The following CACNA2D3 variants were observed in gnomAD, a reference collection of about 807,000 sequenced individuals.
The protein encoded by CACNA2D3 is voltage-dependent calcium channel subunit alpha-2/delta-3.
CACNA2D3 carries 60 observed loss-of-function variants against 160.6 expected under a neutral mutation model. The observed-to-expected ratio is 0.37, with a 90% CI of 0.30 to 0.46. The LOEUF is 0.46. Ranked by LOEUF, CACNA2D3 falls within the 20% of genes least tolerant of loss-of-function variation. CACNA2D3 has a pLI of 1.00. For missense variants in CACNA2D3, 1,205 were observed against 1,365.0 expected (o/e 0.88, Z 1.85); for synonymous variants, 558 against 492.9 (o/e 1.13, Z -1.75).
intron 11 of CACNA2D3, among the ~76,000 whole-genome samples, chr3:54,723,601 G>C (rs559198962): frequency 7.9e-5 from 12 of 152,312 alleles, no homozygotes; most frequent in Admixed American, 6.5e-4. Context: ...GAGTTCCTCA[G>C]GCTCAGTCCC....
chr3:54,875,016 A>C (rs1379771431), intron 18 of CACNA2D3: 2 of 152,008 alleles, frequency 1.3e-5, no homozygotes, highest in Non-Finnish European at 2.9e-5. Flanking sequence ...TTTTTCCCCT[A>C]CTACCCTCTA....
intron 17 of CACNA2D3, among the ~76,000 whole-genome samples, chr3:54,853,658 A>G (rs1699107550): frequency 6.6e-6 from 1 of 152,192 alleles, no homozygotes; most frequent in Non-Finnish European, 1.5e-5. Flanking sequence ...CCTGGTGGTA[A>G]GAGGGACCAA....
intron 13 of CACNA2D3, 36 bp from the exon 14 acceptor site, chr3:54,816,817 T>G: frequency 6.2e-7 from 1 of 1,609,966 alleles, no homozygotes; most frequent in Non-Finnish European, 8.5e-7. Context: ...TGATCAACTT[T>G]TTTCTTTTTT....
At chr3:55,003,652 G>A (rs1016794640) in intron 31 of CACNA2D3, among the ~76,000 whole-genome samples, 2 of 152,284 alleles carry the variant, frequency 1.3e-5, no homozygotes, top group African/African-American at 4.8e-5. Context: ...AAACGAGTGG[G>A]CCTAAATGGT....
chr3:54,842,367 G>A (rs962766838), intron 16 of CACNA2D3, among the ~76,000 whole-genome samples: 1 of 152,110 alleles, frequency 6.6e-6, no homozygotes, highest in Non-Finnish European at 1.5e-5. Context: ...ATTTACTTTA[G>A]TTGGAATTTT....
chr3:54,205,255 A>T (rs919635113), intron 2 of CACNA2D3, among the ~76,000 whole-genome samples: 5 of 151,864 alleles, frequency 3.3e-5, no homozygotes, highest in Non-Finnish European at 7.4e-5. Context: ...GGGGGATGGG[A>T]TTTTTTTTGT....
intron 29 of CACNA2D3, among the ~76,000 whole-genome samples, chr3:54,974,652 G>A (rs1306296154): frequency 6.6e-6 from 1 of 152,216 alleles, no homozygotes; most frequent in Non-Finnish European, 1.5e-5. Flanking sequence ...CCGAATAGTT[G>A]CAGGAAGATG....
At chr3:55,066,317 A>G (rs1704635426) in intron 35 of CACNA2D3, among the ~76,000 whole-genome samples, 1 of 152,196 alleles carries the variant, frequency 6.6e-6, no homozygotes, top group Non-Finnish European at 1.5e-5. Context: ...GAATCTATAT[A>G]AAGGGTAAAA....
At chr3:54,265,654 AT>A (rs1702494405) in intron 2 of CACNA2D3, among the ~76,000 whole-genome samples, 1 of 70,226 alleles carries the variant, frequency 1.4e-5, no homozygotes. Context: ...GTGTATATAT[AT>A]AGTGTATATA....
At chr3:55,004,375 C>G (rs1461431568) in intron 31 of CACNA2D3, among the ~76,000 whole-genome samples, 4 of 152,198 alleles carry the variant, frequency 2.6e-5, no homozygotes, top group Admixed American at 6.5e-5. Flanking sequence ...CTTAGTTCTC[C>G]TGTCCCTTGG....
chr3:54,215,810 G>A (rs1489086696), intron 2 of CACNA2D3, among the ~76,000 whole-genome samples: 4 of 152,084 alleles, frequency 2.6e-5, no homozygotes, highest in Non-Finnish European at 4.4e-5. Flanking sequence ...ATGCAGGGAG[G>A]CATTCATGCC....
At chr3:54,647,954 A>T (rs1175860827) in intron 11 of CACNA2D3, among the ~76,000 whole-genome samples, 1 of 152,134 alleles carries the variant, frequency 6.6e-6, no homozygotes, top group East Asian at 1.9e-4. Flanking sequence ...TAAAATATGA[A>T]CTCCAATATG....
At chr3:54,251,476 T>G (rs144635080) in intron 2 of CACNA2D3, among the ~76,000 whole-genome samples, 4 of 152,358 alleles carry the variant, frequency 2.6e-5, no homozygotes, top group Admixed American at 1.3e-4. Context: ...AAACCTAGGA[T>G]TCCTTTTGGA....
intron 10 of CACNA2D3, among the ~76,000 whole-genome samples, chr3:54,633,322 T>C (rs9840098): frequency 0.11 from 16,832 of 152,152 alleles, 3,040 homozygotes; most frequent in African/African-American, 0.38. Flanking sequence ...ATAGTAGCTG[T>C]GTGACCTGGG....
intron 35 of CACNA2D3, among the ~76,000 whole-genome samples, chr3:55,019,757 A>G (rs1024226121): frequency 6.6e-6 from 1 of 152,150 alleles, no homozygotes; most frequent in Non-Finnish European, 1.5e-5. Context: ...GTTTTGTTGC[A>G]CTATACTTCT....
intron 4 of CACNA2D3, among the ~76,000 whole-genome samples, chr3:54,490,796 C>T (rs965411710): frequency 2.0e-5 from 3 of 152,108 alleles, no homozygotes; most frequent in African/African-American, 7.2e-5. Flanking sequence ...GAGAAGAGTT[C>T]AGAGGAAGCG....
chr3:55,017,377 T>C (rs1703347605), intron 34 of CACNA2D3, among the ~76,000 whole-genome samples: 1 of 152,244 alleles, frequency 6.6e-6, no homozygotes, highest in Non-Finnish European at 1.5e-5. Flanking sequence ...ATTATTGTCA[T>C]CATTATAATG....
intron 2 of CACNA2D3, among the ~76,000 whole-genome samples, chr3:54,142,162 G>T (rs1395257488): frequency 6.6e-6 from 1 of 152,142 alleles, no homozygotes; most frequent in East Asian, 1.9e-4. Context: ...CCTTTGTGCT[G>T]CTGTGACCCT....
chr3:54,992,023 C>T (rs966650027), intron 31 of CACNA2D3, among the ~76,000 whole-genome samples: 6 of 152,098 alleles, frequency 3.9e-5, no homozygotes, highest in Non-Finnish European at 7.3e-5. Flanking sequence ...GTTACCTTTA[C>T]AGCACAGTGT....
Sources: allele counts gnomAD v4.1 joint callset (sites outside exome capture counted in the v4.1 genomes callset), GRCh38; gene constraint gnomAD v4.1.1; transcripts MANE v1.5; gene names NCBI Gene and HGNC (gene_info 2026-07-23, HGNC 2026-07-21).